Variants in ZFR2 observed in about 807,000 individuals in gnomAD.
ZFR2 encodes zinc finger RNA-binding protein 2.
ZFR2 carries 104 observed loss-of-function variants against 105.7 expected under a neutral mutation model. That is an observed-to-expected ratio of 0.98 (90% CI 0.84 to 1.16). ZFR2 has a LOEUF of 1.16. Ranked by LOEUF, ZFR2 falls within the 50% of genes most tolerant of loss-of-function variation. The pLI is 0.00. For missense variants in ZFR2, 1,425 were observed against 1,355.5 expected, an observed-to-expected ratio of 1.05 and a Z score of -0.80; for synonymous variants, 634 against 597.7, an observed-to-expected ratio of 1.06 and a Z score of -0.89.
intron 1 of ZFR2, among the ~76,000 whole-genome samples, chr19:3,867,285 C>G (rs760464209): frequency 7.3e-5 from 9 of 122,760 alleles, no homozygotes; most frequent in Non-Finnish European, 1.3e-4. Flanking sequence ...AAGGGTGACA[C>G]GCGGAAATGA....
At position 3,858,256 on chromosome 19, in the gene ZFR2, C is replaced by G. The variant is rs2038331333; in HGVS notation, c.53+10709G>C. On this transcript the variant is annotated intron_variant, in intron 1 of 18. Coordinates refer to ENST00000262961, the MANE Select transcript of ZFR2 (RefSeq NM_015174.2). The surrounding 1 kb of genome is among the most constrained non-coding windows in gnomAD (Gnocchi z 4.3). ...TCTTGCTTGCTCCGAAGAGACGGAG[C>G]AGGCTTAGGTGTGGTCCACACTTCA... is the stretch of plus-strand genomic sequence containing the variant. 6.6e-6 allele frequency among the ~76,000 whole-genome samples: 1 copy of G among 152,146 alleles called. No homozygotes were observed. The highest frequency in any genetic ancestry group is 2.4e-5 in the African/African-American group (1 of 41,424).
chr19:3,840,732 A>G (rs886939394), intron 1 of ZFR2, among the ~76,000 whole-genome samples: 1 of 151,846 alleles, frequency 6.6e-6, no homozygotes, highest in African/African-American at 2.4e-5. Flanking sequence ...GGGTCTTGCT[A>G]TGTTGCCCAG....
chr19:3,818,984 C>T (rs765104679), intron 12 of ZFR2, 61 bp downstream of exon 12: 52 of 1,560,464 alleles, frequency 3.3e-5, no homozygotes, highest in Admixed American at 1.4e-4. Flanking sequence ...GGTCTCGTCC[C>T]GAGGAGCTGA....
chr19:3,834,853 G>C lies in ZFR2; in HGVS notation c.184C>G (p.Pro62Ala). Residue 62 changes from proline to alanine, a missense_variant, in exon 2 of 19, where the codon CCC (proline) becomes GCC (alanine). By Grantham distance (27) the Pro-to-Ala change is conservative. Transcript: ENST00000262961. The surrounding 1 kb of genome is among the most constrained non-coding windows in gnomAD (Gnocchi z 5.3). ...AAPAGYGGYQ[P>A]HSGQDFAYGS... The stretch of plus-strand genomic sequence containing the variant: ...TAGGCGAAGTCCTGGCCGGAGTGGG[G>C]CTGGTATCCACCGTACCCTGCCGGG... 6.2e-7 allele frequency: 1 copy of C among 1,612,076 alleles called. No individual in the cohort carries two copies. The highest frequency in any genetic ancestry group is 8.5e-7 in the Non-Finnish European group (1 of 1,179,296).
At chr19:3,840,398 G>A (rs930542678) in intron 1 of ZFR2, among the ~76,000 whole-genome samples, 1 of 151,638 alleles carries the variant, frequency 6.6e-6, no homozygotes, top group African/African-American at 2.4e-5. Context: ...CCATCATGCC[G>A]GGCTAATTTT....
chr19:3,814,085 C>G (rs544718222), intron 13 of ZFR2, 127 bp from the exon 14 acceptor site: 2 of 1,406,782 alleles, frequency 1.4e-6, no homozygotes, highest in Non-Finnish European at 1.9e-6. Context: ...GCCTGGGTGC[C>G]GGGCCCTGTG....
rs1394436838 is a variant in ZFR2 at position 3,807,245 on chromosome 19, C to T, written c.2570G>A (p.Cys857Tyr). The T allele has an allele frequency of 6.4e-7, 1 of 1,560,384 alleles. No homozygotes were observed. The highest frequency in any genetic ancestry group is 1.7e-4 in the Middle Eastern group (1 of 6,000). ...LTDGPGLQDPCERDQTDALEP... is the reference protein window; with the variant it reads ...LTDGPGLQDPYERDQTDALEP... ...GAGGGCATCTGTCTGGTCTCTCTCG[C>T]AGGGATCCTGGAGCCCGGGCCCGTC... Residue 857 changes from cysteine to tyrosine, a missense_variant, in exon 18 of 19, where the codon TGC becomes TAC. Coordinates refer to ENST00000262961, the MANE Select transcript of ZFR2 (RefSeq NM_015174.2).
intron 13 of ZFR2, among the ~76,000 whole-genome samples, chr19:3,815,240 C>T (rs958574441): frequency 2.0e-5 from 3 of 152,130 alleles, no homozygotes; most frequent in Admixed American, 6.5e-5. Flanking sequence ...CAGGCGCCCA[C>T]CACCATGCCC....
chr19:3,831,273 G>C (rs2038011283), intron 5 of ZFR2, 30 bp downstream of exon 5: 7 of 1,479,464 alleles, frequency 4.7e-6, no homozygotes, highest in Admixed American at 2.4e-5. Flanking sequence ...GAGGTCCCTG[G>C]GGCCTGCCCA....
chr19:3,835,490 C>CATTT (rs57533924), intron 1 of ZFR2, among the ~76,000 whole-genome samples: 4 of 143,662 alleles, frequency 2.8e-5, no homozygotes, highest in African/African-American at 2.6e-5. Flanking sequence ...CACGCCCAGC[C>CATTT]TTTTTTTTTT....
intron 11 of ZFR2, 82 bp downstream of exon 11, chr19:3,820,100 G>A: frequency 7.3e-7 from 1 of 1,377,150 alleles, no homozygotes; most frequent in Non-Finnish European, 1.0e-6. Context: ...TTGGGGGGAG[G>A]CCGGGTCCTC....
At chr19:3,857,900 G>C (rs1233524136) in intron 1 of ZFR2, among the ~76,000 whole-genome samples, 1 of 152,070 alleles carries the variant, frequency 6.6e-6, no homozygotes, top group African/African-American at 2.4e-5. Flanking sequence ...GGGGAGAAGA[G>C]CACAGGTGGG....
intron 1 of ZFR2, among the ~76,000 whole-genome samples, chr19:3,844,026 G>GGGGGC (rs2038163796): frequency 8.1e-6 from 1 of 124,142 alleles, no homozygotes; most frequent in African/African-American, 2.8e-5. Flanking sequence ...GGGGGGGGGT[G>GGGGGC]CCAGGGACCG....
At position 3,813,687 on chromosome 19, in the gene ZFR2, G is replaced by C. The variant is rs1388987994; in HGVS notation, c.2242+133C>G. On this transcript the variant is annotated intron_variant, in intron 14 of 18. Coordinates refer to ENST00000262961, the MANE Select transcript of ZFR2 (RefSeq NM_015174.2). This position sits in a 1 kb window ranked among gnomAD's most constrained non-coding sequence, Gnocchi z 4.4. Reference sequence around the variant, plus strand: ...GACCCATGGAATCCTCAGGGGGACAGCAGTGCTGGAGCGTGGCTGCTGTGG... The same window carrying C: ...GACCCATGGAATCCTCAGGGGGACACCAGTGCTGGAGCGTGGCTGCTGTGG... 3 of 1,288,808 alleles carry C rather than the reference G, an allele frequency of 2.3e-6. No individual in the cohort carries two copies. Among genetic ancestry groups the C allele is most frequent in the Non-Finnish European group, 3.2e-6 (3 of 938,884 alleles). 79.8% of individuals were successfully genotyped at this position (1,288,808 alleles called of 1,614,324 possible).
intron 5 of ZFR2, among the ~76,000 whole-genome samples, chr19:3,829,405 C>T (rs1005719094): frequency 6.6e-6 from 1 of 152,038 alleles, no homozygotes; most frequent in African/African-American, 2.4e-5. Context: ...CAAGATGCTA[C>T]CGCTAAATCA....
chr19:3,806,326 G>A (rs370594529), intron 18 of ZFR2, among the ~76,000 whole-genome samples: 1,706 of 152,246 alleles, frequency 0.011, 31 homozygotes, highest in African/African-American at 0.039. Context: ...GCAGTGGCGC[G>A]ATCTCAGCTC....
chr19:3,840,203 G>T (rs2038121292), intron 1 of ZFR2, among the ~76,000 whole-genome samples: 1 of 151,532 alleles, frequency 6.6e-6, no homozygotes, highest in South Asian at 2.1e-4. Flanking sequence ...TACAGAAGCA[G>T]CAGCCACACG....
intron 17 of ZFR2, among the ~76,000 whole-genome samples, 182 bp downstream of exon 17, chr19:3,808,690 C>T (rs2037729361): frequency 2.0e-5 from 3 of 152,262 alleles, no homozygotes; most frequent in Admixed American, 2.0e-4. Context: ...AGGGTGGTGT[C>T]CTCCATGACC....
At position 3,838,143 on chromosome 19, in the gene ZFR2, T is replaced by C. The variant is rs2145168238; in HGVS notation, c.54-3160A>G. ...TGAACACCGTGACTGTGACACACAA[T>C]GAACACCGTGACTGTGACACTCGAT... is the stretch of plus-strand genomic sequence containing the variant. On this transcript the variant is annotated intron_variant, in intron 1 of 18. Coordinates refer to ENST00000262961, the MANE Select transcript of ZFR2 (RefSeq NM_015174.2). The surrounding 1 kb of genome is among the most constrained non-coding windows in gnomAD (Gnocchi z 4.9). Among the ~76,000 whole-genome samples the C allele has an allele frequency of 6.6e-6, 1 of 151,276 alleles. No homozygotes were observed. Among genetic ancestry groups the C allele is most frequent in the African/African-American group, 2.4e-5 (1 of 41,058 alleles).
Sources: allele counts gnomAD v4.1 joint callset (sites outside exome capture counted in the v4.1 genomes callset), GRCh38; gene constraint gnomAD v4.1.1; non-coding constraint Gnocchi (gnomAD v3.1); transcripts MANE v1.5; gene names NCBI Gene and HGNC (gene_info 2026-07-23, HGNC 2026-07-21).